Variants in XPO6 observed in about 807,000 individuals in gnomAD.
XPO6 encodes exportin-6.
In XPO6, 3 loss-of-function variants were observed where a neutral mutation model predicts 130.0. The observed-to-expected ratio is 0.02, with a 90% CI of 0.01 to 0.06. The LOEUF (loss-of-function observed/expected upper bound fraction) is 0.06, where lower values mean the gene tolerates loss of function less well. Ranked by LOEUF, XPO6 falls within the 10% of genes least tolerant of loss-of-function variation. The pLI is 1.00. For missense variants in XPO6, 970 were observed against 1,393.0 expected (o/e 0.70, Z 4.83); for synonymous variants, 524 against 548.9 (o/e 0.95, Z 0.63).
chr16:28,123,716 A>G (rs942631240), intron 13 of XPO6, among the ~76,000 whole-genome samples: 9 of 152,206 alleles, frequency 5.9e-5, no homozygotes, highest in African/African-American at 2.2e-4. Context: ...ATCAGAAAAC[A>G]ATATACCAAT....
intron 23 of XPO6, among the ~76,000 whole-genome samples, chr16:28,099,315 G>A (rs146811329): frequency 3.9e-4 from 60 of 152,168 alleles, no homozygotes; most frequent in South Asian, 4.2e-4. Context: ...TGTAGGTCCC[G>A]GTGAGGACTC....
chr16:28,197,672 T>G (rs2043886541), intron 1 of XPO6, among the ~76,000 whole-genome samples: 1 of 151,886 alleles, frequency 6.6e-6, no homozygotes, highest in Non-Finnish European at 1.5e-5. Context: ...ATCCCAGCAC[T>G]TTGCGAGGCC....
At chr16:28,186,600 C>A (rs2043699816) in intron 1 of XPO6, among the ~76,000 whole-genome samples, 1 of 151,526 alleles carries the variant, frequency 6.6e-6, no homozygotes, top group African/African-American at 2.4e-5. Flanking sequence ...GAACACCTGA[C>A]TTCAAGTGAT....
intron 13 of XPO6, among the ~76,000 whole-genome samples, chr16:28,122,701 T>G (rs1334732082): frequency 1.3e-5 from 2 of 152,086 alleles, no homozygotes; most frequent in Non-Finnish European, 2.9e-5. Context: ...GGCTTTTCTA[T>G]AAAATTTGAT....
intron 4 of XPO6, among the ~76,000 whole-genome samples, chr16:28,172,473 C>G (rs562700766): frequency 6.3e-4 from 96 of 152,256 alleles, no homozygotes; most frequent in South Asian, 1.0e-3. Context: ...AATGTGACCA[C>G]AGGTTCTGCT....
intron 1 of XPO6, among the ~76,000 whole-genome samples, chr16:28,193,404 C>T (rs2043813589): frequency 6.6e-6 from 1 of 152,132 alleles, no homozygotes. Flanking sequence ...CCCCGCAGAT[C>T]ATTACTAGCC....
intron 3 of XPO6, 110 bp downstream of exon 3, chr16:28,177,110 G>A: frequency 1.7e-6 from 1 of 598,050 alleles, no homozygotes; most frequent in Non-Finnish European, 2.8e-6. Context: ...CGACATCCCA[G>A]AGCTGAGCTA....
chr16:28,132,646 C>A lies in XPO6; in HGVS notation c.1537-243G>T, dbSNP rs1415258162. On this transcript the variant is annotated intron_variant, in intron 11 of 23. Coordinates refer to ENST00000304658, the MANE Select transcript of XPO6 (RefSeq NM_015171.4). The surrounding 1 kb of genome is among the most constrained non-coding windows in gnomAD (Gnocchi z 4.0). ...AAGAAAGAAAACGTATTAGTTCAACCCTTTTTTTAAAAAAAAAAAAAAAGC... is the reference window on the plus strand; with the variant it reads ...AAGAAAGAAAACGTATTAGTTCAACACTTTTTTTAAAAAAAAAAAAAAAGC... Among the ~76,000 whole-genome samples, 1 of 136,624 alleles carries A rather than the reference C, an allele frequency of 7.3e-6. No individual in the cohort carries two copies. The highest frequency in any genetic ancestry group is 1.6e-5 in the Non-Finnish European group (1 of 63,132). The allele number at this position is 136,624 out of a possible 152,430, so 89.6% of individuals were successfully genotyped here. A position where few individuals can be genotyped will look rare whatever the true frequency, so the allele number is the denominator to read the frequency against.
At chr16:28,169,711 G>T in intron 5 of XPO6, 39 bp downstream of exon 5, 1 of 1,606,784 alleles carries the variant, frequency 6.2e-7, no homozygotes, top group South Asian at 1.1e-5. Context: ...GGGTGCCTGC[G>T]GGCAGGCCTC....
Position 28,135,955 on chromosome 16 carries a change from T to C in XPO6, c.1335-631A>G, listed in dbSNP as rs2042766685. Among the ~76,000 whole-genome samples, 3 of 152,218 alleles carry C rather than the reference T, an allele frequency of 2.0e-5. No homozygotes were observed. The South Asian group carries it at 6.2e-4, about 32-fold the overall frequency. ...ATTTTAAATCCCTTGTCCTTTCTTT[T>C]ACTAAGTATTTTCAAGTTATGATCT... is the stretch of plus-strand genomic sequence containing the variant. On this transcript the variant is annotated intron_variant, in intron 9 of 23. Transcript: ENST00000304658.
intron 9 of XPO6, among the ~76,000 whole-genome samples, chr16:28,135,946 C>T (rs767603118): frequency 2.0e-5 from 3 of 152,134 alleles, no homozygotes; most frequent in Non-Finnish European, 2.9e-5. Context: ...AATCCCTTGT[C>T]CTTTCTTTTA....
intron 21 of XPO6, among the ~76,000 whole-genome samples, chr16:28,103,419 G>A (rs1198756262): frequency 6.6e-6 from 1 of 152,184 alleles, no homozygotes; most frequent in Non-Finnish European, 1.5e-5. Flanking sequence ...TCCAGCTTTG[G>A]CAATTATGAA....
chr16:28,109,934 T>G lies in XPO6; in HGVS notation c.2341+1883A>C, dbSNP rs549328271. Among the ~76,000 whole-genome samples the G allele has an allele frequency of 4.6e-5, 7 of 152,332 alleles. No individual in the cohort carries two copies. The East Asian group carries it at 1.3e-3, about 29-fold the overall frequency. On this transcript the variant is annotated intron_variant, in intron 17 of 23. Transcript: ENST00000304658. ...TAAACAGCTGGCTTTTAAGAAAAAGTGTGTTGCAGAAAAAAGCATAAATGT... is the reference window on the plus strand; with the variant it reads ...TAAACAGCTGGCTTTTAAGAAAAAGGGTGTTGCAGAAAAAAGCATAAATGT...
rs746413554 is a variant in XPO6, at chr16:28,098,532, G to A, written c.*6C>T. On this transcript the variant is annotated 3_prime_UTR_variant, in exon 24 of 24. Transcript: ENST00000304658. The stretch of plus-strand genomic sequence containing the variant: ...CAGAAGTCCGTGTCCCCAGGCAGTA[G>A]CAGGCCTAGAGCTTCACAGTGCCAG... 8.1e-6 allele frequency: 13 copies of A among 1,604,992 alleles called. No homozygotes were observed. The highest frequency in any genetic ancestry group is 4.5e-5 in the East Asian group (2 of 44,442).
intron 16 of XPO6, among the ~76,000 whole-genome samples, chr16:28,112,362 C>T (rs1210171817): frequency 6.6e-6 from 1 of 152,214 alleles, no homozygotes; most frequent in Non-Finnish European, 1.5e-5. Flanking sequence ...TAGAGCAGGA[C>T]TTGCAGGAGA....
chr16:28,116,566 AAAGT>A (rs1225664149), intron 15 of XPO6, among the ~76,000 whole-genome samples: 1 of 151,872 alleles, frequency 6.6e-6, no homozygotes, highest in Non-Finnish European at 1.5e-5. Flanking sequence ...ATTTTTATTT[AAAGT>A]AAGAGACATG....
intron 9 of XPO6, among the ~76,000 whole-genome samples, chr16:28,145,341 T>C (rs2042964971): frequency 6.6e-6 from 1 of 152,070 alleles, no homozygotes; most frequent in African/African-American, 2.4e-5. Flanking sequence ...GCATGCTGAA[T>C]CTCCACCTTC....
At chr16:28,122,194 T>C (rs550339460) in intron 13 of XPO6, among the ~76,000 whole-genome samples, 2 of 152,216 alleles carry the variant, frequency 1.3e-5, no homozygotes, top group East Asian at 3.9e-4. Context: ...AATATGCTTA[T>C]TGGTACCACT....
At chr16:28,117,518 T>G in intron 14 of XPO6, 56 bp from the exon 15 acceptor site, 1 of 1,579,730 alleles carries the variant, frequency 6.3e-7, no homozygotes, top group Non-Finnish European at 8.6e-7. Context: ...TATATTAGCG[T>G]TCAACTCATT....
Sources: gnomAD v4.1 joint callset for allele counts (sites outside exome capture counted in the v4.1 genomes callset) on GRCh38, gnomAD v4.1.1 for gene constraint, Gnocchi (gnomAD v3.1) non-coding constraint, MANE v1.5 for transcripts, NCBI Gene and HGNC (gene_info 2026-07-23, HGNC 2026-07-21) for gene names.